Variants in LINGO2 observed in about 807,000 individuals in gnomAD.
LINGO2 encodes the protein leucine-rich repeat and immunoglobulin-like domain-containing nogo receptor-interacting protein 2.
In LINGO2, 14 loss-of-function variants were observed where a neutral mutation model predicts 30.6. The observed-to-expected ratio is 0.46, with a 90% CI of 0.30 to 0.72. The LOEUF (loss-of-function observed/expected upper bound fraction) is 0.72, where lower values mean the gene tolerates loss of function less well. Ranked by LOEUF, LINGO2 falls within the 30% of genes least tolerant of loss-of-function variation. The pLI, the probability that LINGO2 is intolerant of heterozygous loss-of-function variation, is 0.07. For synonymous variants in LINGO2, 317 were observed against 288.5 expected (o/e 1.10, Z -1.00); for missense variants, 729 against 751.7 (o/e 0.97, Z 0.35).
intron 4 of LINGO2, among the ~76,000 whole-genome samples, chr9:28,237,329 C>A (rs933542318): frequency 1.5e-4 from 23 of 151,060 alleles, no homozygotes; most frequent in Admixed American, 6.6e-4. Flanking sequence ...AGCATACCAC[C>A]AGAGAAAAAT....
At chr9:28,777,388 C>T in the LINGO2 span, among the ~76,000 whole-genome samples, 1 of 152,116 alleles carries the variant, frequency 6.6e-6, no homozygotes, top group Non-Finnish European at 1.5e-5. Flanking sequence ...TACTCAACCA[C>T]CAGTTTACAT....
At chr9:29,157,877 T>TA in the LINGO2 span, among the ~76,000 whole-genome samples, 61 of 152,150 alleles carry the variant, frequency 4.0e-4, no homozygotes, top group Non-Finnish European at 7.9e-4. Flanking sequence ...ACTATACACT[T>TA]ACTCCCCTAC....
rs1819689137 is a variant in LINGO2 at position 28,497,536 on chromosome 9, T to A, written c.-364-21511A>T. On this transcript the variant is annotated intron_variant, in intron 1 of 5. Coordinates refer to ENST00000379992, the Ensembl canonical transcript of LINGO2. ...AGGTCATTTAAGAACTTTTCTACAC[T>A]GGTTATTCTAGTTAGTCATTCGTCT... 3.9e-5 allele frequency among the ~76,000 whole-genome samples: 6 copies of A among 152,184 alleles called. No homozygotes were observed. In the South Asian group the frequency reaches 1.2e-3, roughly 32 times the overall value.
the LINGO2 span, among the ~76,000 whole-genome samples, chr9:29,046,582 C>T: frequency 2.8e-4 from 43 of 152,142 alleles, no homozygotes; most frequent in Non-Finnish European, 5.0e-4. Context: ...ACACCAAACA[C>T]AAAAATCAAC....
intron 5 of LINGO2, among the ~76,000 whole-genome samples, chr9:27,975,520 A>G (rs532008138): frequency 1.6e-4 from 25 of 152,204 alleles, no homozygotes; most frequent in African/African-American, 2.6e-4. Context: ...ATTTGTGGAA[A>G]ATCAACAGTT....
chr9:28,584,937 T>C (rs1824457241), intron 1 of LINGO2, among the ~76,000 whole-genome samples: 1 of 17,192 alleles, frequency 5.8e-5, no homozygotes, highest in African/African-American at 1.4e-4. Flanking sequence ...CAAGAGATTT[T>C]TTTTTTTTTT....
the LINGO2 span, chr9:28,863,601 T>C: frequency 1.9e-6 from 1 of 528,368 alleles, no homozygotes; most frequent in Non-Finnish European, 3.9e-6. Flanking sequence ...GGCTTCATGG[T>C]GTAGATCAAC....
At chr9:28,283,869 T>C (rs1655604360) in intron 4 of LINGO2, among the ~76,000 whole-genome samples, 1 of 152,150 alleles carries the variant, frequency 6.6e-6, no homozygotes, top group African/African-American at 2.4e-5. Flanking sequence ...ACTGGTTACT[T>C]TTCCTTACCT....
downstream of LINGO2, chr9:27,944,647 A>T (rs1823294719): frequency 6.6e-6 from 1 of 152,244 alleles, no homozygotes; most frequent in Non-Finnish European, 1.5e-5. Flanking sequence ...AGGTGCTCCC[A>T]AAGCCAACGG....
chr9:29,174,874 C>G, the LINGO2 span, among the ~76,000 whole-genome samples: 6 of 152,264 alleles, frequency 3.9e-5, no homozygotes, highest in Admixed American at 3.9e-4. Context: ...TTTTAAAAAT[C>G]TAAAACAGTT....
the LINGO2 span, among the ~76,000 whole-genome samples, chr9:28,690,249 C>CA: frequency 6.6e-6 from 1 of 151,878 alleles, no homozygotes; most frequent in African/African-American, 2.4e-5. Flanking sequence ...GGAAATGAAA[C>CA]AAAAACAAAC....
At chr9:28,492,119 T>C (rs1826417913) in intron 1 of LINGO2, among the ~76,000 whole-genome samples, 1 of 152,176 alleles carries the variant, frequency 6.6e-6, no homozygotes, top group Non-Finnish European at 1.5e-5. Context: ...AAATTTCAGC[T>C]TTTGCTCTCT....
intron 4 of LINGO2, among the ~76,000 whole-genome samples, chr9:28,221,239 G>C (rs1421550534): frequency 5.4e-5 from 8 of 149,470 alleles, no homozygotes; most frequent in African/African-American, 2.0e-4. Flanking sequence ...GGCGGAGCTT[G>C]CAGTGAGCGG....
At chr9:28,460,766 A>G (rs1369883960) in intron 2 of LINGO2, among the ~76,000 whole-genome samples, 1 of 152,092 alleles carries the variant, frequency 6.6e-6, no homozygotes, top group East Asian at 1.9e-4. Flanking sequence ...GATAGATGGT[A>G]TTCTACAGCA....
At chr9:29,179,479 A>C in the LINGO2 span, among the ~76,000 whole-genome samples, 1 of 152,106 alleles carries the variant, frequency 6.6e-6, no homozygotes, top group East Asian at 1.9e-4. Flanking sequence ...ATCTCGGCTC[A>C]CTGCAACCTC....
chr9:29,054,620 A>C, the LINGO2 span, among the ~76,000 whole-genome samples: 7 of 152,162 alleles, frequency 4.6e-5, no homozygotes, highest in African/African-American at 1.7e-4. Context: ...TGTGTTCACA[A>C]TTATGTAACA....
the LINGO2 span, among the ~76,000 whole-genome samples, chr9:29,193,434 G>A: frequency 6.6e-6 from 1 of 152,124 alleles, no homozygotes; most frequent in East Asian, 1.9e-4. Flanking sequence ...TGATCCTCCT[G>A]GTGTGCTCCT....
chr9:29,096,143 T>C, the LINGO2 span, among the ~76,000 whole-genome samples: 1 of 138,606 alleles, frequency 7.2e-6, no homozygotes, highest in Admixed American at 7.4e-5. Context: ...GAAGACAGCA[T>C]TTAAAAAAAC....
chr9:29,055,964 G>GTGTATA, the LINGO2 span, among the ~76,000 whole-genome samples: 1 of 134,070 alleles, frequency 7.5e-6, no homozygotes, highest in African/African-American at 2.7e-5. Flanking sequence ...ATATGTACAT[G>GTGTATA]TATATATGCA....
Sources: allele counts gnomAD v4.1 joint callset (sites outside exome capture counted in the v4.1 genomes callset), GRCh38; gene constraint gnomAD v4.1.1; transcripts MANE v1.5; gene names NCBI Gene and HGNC (gene_info 2026-07-23, HGNC 2026-07-21).